Variants in RGS20 observed in about 807,000 individuals in gnomAD.
RGS20 encodes gz-selective GTPase-activating protein.
A neutral mutation model predicts 33.6 loss-of-function variants in RGS20; 30 were observed. The observed-to-expected ratio is 0.89, with a 90% confidence interval of 0.67 to 1.21. The LOEUF (loss-of-function observed/expected upper bound fraction) is 1.21, where lower values mean the gene tolerates loss of function less well. Ranked by LOEUF, RGS20 falls within the 50% of genes most tolerant of loss-of-function variation. The pLI, the probability that RGS20 is intolerant of heterozygous loss-of-function variation, is 0.00. For missense variants in RGS20, 472 were observed against 502.4 expected, an observed-to-expected ratio of 0.94 and a Z score of 0.58; for synonymous variants, 208 against 197.9, an observed-to-expected ratio of 1.05 and a Z score of -0.43.
intron 2 of RGS20, among the ~76,000 whole-genome samples, chr8:53,898,634 T>G (rs1349390893): frequency 6.6e-6 from 1 of 152,238 alleles, no homozygotes; most frequent in East Asian, 1.9e-4. Context: ...AAATGAAATA[T>G]GTATGAGATT....
At chr8:53,862,942 T>C (rs1310587563) in intron 1 of RGS20, among the ~76,000 whole-genome samples, 2 of 152,078 alleles carry the variant, frequency 1.3e-5, no homozygotes, top group Non-Finnish European at 2.9e-5. Flanking sequence ...TGCCTTTGGG[T>C]TTTAGGAAAT....
intron 2 of RGS20, among the ~76,000 whole-genome samples, chr8:53,893,814 A>T (rs1056799453): frequency 6.6e-6 from 1 of 152,220 alleles, no homozygotes; most frequent in African/African-American, 2.4e-5. Context: ...ACATAGAATA[A>T]ATTTGGCTTA....
chr8:53,889,398 TTC>T lies in RGS20; in HGVS notation c.510+9810_510+9811del, dbSNP rs200412498. On this transcript the variant is annotated intron_variant, in intron 2 of 5. Coordinates refer to ENST00000297313, the MANE Select transcript of RGS20 (RefSeq NM_170587.4). ...CCCATTTTTCTTTTTCTTTCTTTCTTTCTCTCTCTCTCTCTTTTTTTTTTTTT... is the reference window on the plus strand; with the variant it reads ...CCCATTTTTCTTTTTCTTTCTTTCTTTCTCTCTCTCTCTTTTTTTTTTTTT... Among the ~76,000 whole-genome samples, 64 of 124,178 alleles carry T rather than the reference TTC, an allele frequency of 5.2e-4. 1 individual carries two copies. Among genetic ancestry groups the T allele is most frequent in the East Asian group, 1.9e-3 (9 of 4,860 alleles). 81.5% of individuals were successfully genotyped at this position (124,178 alleles called of 152,430 possible).
At chr8:53,884,240 G>A (rs927345378) in intron 2 of RGS20, among the ~76,000 whole-genome samples, 6 of 132,930 alleles carry the variant, frequency 4.5e-5, no homozygotes, top group Non-Finnish European at 9.0e-5. Flanking sequence ...CTCTCACCCA[G>A]GCTGGAGTGC....
At chr8:53,919,142 C>T (rs1377068088) in intron 2 of RGS20, among the ~76,000 whole-genome samples, 1 of 152,132 alleles carries the variant, frequency 6.6e-6, no homozygotes, top group Non-Finnish European at 1.5e-5. Flanking sequence ...GATTTTATTT[C>T]CCTAATGACT....
At chr8:53,947,654 T>C (rs1814549879) in intron 4 of RGS20, among the ~76,000 whole-genome samples, 1 of 91,952 alleles carries the variant, frequency 1.1e-5, no homozygotes, top group African/African-American at 4.3e-5. Flanking sequence ...CATACATTTA[T>C]ATATGCTATA....
At chr8:53,911,248 A>AT (rs1315109890) in intron 2 of RGS20, among the ~76,000 whole-genome samples, 1 of 152,234 alleles carries the variant, frequency 6.6e-6, no homozygotes, top group Non-Finnish European at 1.5e-5. Context: ...AAAGTAAGCC[A>AT]TTTTTTAAAA....
rs1193295515 is a variant in RGS20 at position 53,877,327 on chromosome 8, G to T, written c.166-1931G>T. 6.6e-6 allele frequency among the ~76,000 whole-genome samples: 1 copy of T among 152,116 alleles called. No homozygotes were observed. Among genetic ancestry groups the T allele is most frequent in the Non-Finnish European group, 1.5e-5 (1 of 67,994 alleles). On this transcript the variant is annotated intron_variant, in intron 1 of 5. Coordinates refer to ENST00000297313, the MANE Select transcript of RGS20 (RefSeq NM_170587.4). The surrounding 1 kb of genome is among the most constrained non-coding windows in gnomAD (Gnocchi z 5.7). ...GGCCGCCGAAGTTCCCGCCCTCGCC[G>T]AGGGCCCTCGCTCCGGAGTGGGGCG...
At chr8:53,886,961 ATTTCT>A in intron 2 of RGS20, 1 of 152,472 alleles carries the variant, frequency 6.6e-6, no homozygotes, top group Non-Finnish European at 1.5e-5. Flanking sequence ...GGACTCGTAG[ATTTCT>A]TTCTTTCTTT....
intron 4 of RGS20, among the ~76,000 whole-genome samples, chr8:53,952,147 G>A (rs553340946): frequency 7.3e-6 from 1 of 136,640 alleles, no homozygotes; most frequent in Non-Finnish European, 1.6e-5. Context: ...GTGCAATCTC[G>A]GCTCACTGCA....
At chr8:53,944,311 G>A (rs558635472) in intron 3 of RGS20, among the ~76,000 whole-genome samples, 24 of 152,060 alleles carry the variant, frequency 1.6e-4, no homozygotes, top group South Asian at 2.1e-4. Context: ...AGGCCGAGGC[G>A]GGCAGATCAC....
intron 1 of RGS20, among the ~76,000 whole-genome samples, chr8:53,860,472 G>A (rs2129267617): frequency 6.6e-6 from 1 of 152,324 alleles, no homozygotes; most frequent in South Asian, 2.1e-4. Flanking sequence ...GTAACTGTCT[G>A]TTCAAATTGC....
intron 2 of RGS20, chr8:53,879,762 C>A (rs57281648): frequency 5.1e-6 from 3 of 588,502 alleles, no homozygotes; most frequent in Non-Finnish European, 8.2e-6. Context: ...AGTCCTAGGA[C>A]GGGACATTGG....
At chr8:53,921,020 A>G (rs1388511057) in intron 2 of RGS20, among the ~76,000 whole-genome samples, 1 of 152,230 alleles carries the variant, frequency 6.6e-6, no homozygotes, top group Admixed American at 6.5e-5. Context: ...TCGGCCTCCC[A>G]AAGTGCTGGG....
chr8:53,917,805 A>G (rs58093835), intron 2 of RGS20, among the ~76,000 whole-genome samples: 61,992 of 151,998 alleles, frequency 0.41, 15,836 homozygotes, highest in African/African-American at 0.74. Flanking sequence ...TATACTTACA[A>G]AGTTGTGCAG....
At chr8:53,917,440 T>C (rs74304173) in intron 2 of RGS20, among the ~76,000 whole-genome samples, 7,456 of 152,254 alleles carry the variant, frequency 0.049, 481 homozygotes, top group African/African-American at 0.14. Flanking sequence ...TGAGCCACCA[T>C]GCCCGGCCTC....
chr8:53,870,803 C>G (rs924654912), intron 1 of RGS20, among the ~76,000 whole-genome samples: 26 of 152,072 alleles, frequency 1.7e-4, no homozygotes, highest in African/African-American at 5.6e-4. Context: ...ATATAAATGT[C>G]TAGCAGCACT....
chr8:53,871,037 G>C (rs530777992), intron 1 of RGS20, among the ~76,000 whole-genome samples: 1 of 149,734 alleles, frequency 6.7e-6, no homozygotes, highest in African/African-American at 2.5e-5. Flanking sequence ...CTTGAAGCCG[G>C]GTGGCAGAGG....
intron 3 of RGS20, chr8:53,946,449 C>G: frequency 1.7e-6 from 1 of 571,914 alleles, no homozygotes; most frequent in Admixed American, 2.7e-5. Context: ...AACTCTTTCT[C>G]AATAGTAGAA....
Sources: allele counts gnomAD v4.1 joint callset (sites outside exome capture counted in the v4.1 genomes callset), GRCh38; gene constraint gnomAD v4.1.1; non-coding constraint Gnocchi (gnomAD v3.1); transcripts MANE v1.5; gene names NCBI Gene and HGNC (gene_info 2026-07-23, HGNC 2026-07-21).